Variants in CD244 observed in about 807,000 individuals in gnomAD.
The protein encoded by CD244 is CD244 molecule, also known as natural killer cell receptor 2B4.
Under a neutral mutation model 45.5 loss-of-function variants are expected in CD244, and 20 were observed. The observed-to-expected ratio is 0.44, with a 90% CI of 0.31 to 0.64. CD244 has a LOEUF of 0.64. Among genes scored for constraint, CD244 ranks in the 30% least tolerant of loss-of-function variants. CD244 has a pLI of 0.08. For synonymous variants in CD244, 185 were observed against 160.5 expected, an observed-to-expected ratio of 1.15 and a Z score of -1.15; for missense variants, 407 against 426.9, an observed-to-expected ratio of 0.95 and a Z score of 0.41.
In CD244 at chr1:160,857,523, A is replaced by G. The variant is rs116258581; in HGVS notation, c.61+5094T>C. Among the ~76,000 whole-genome samples the G allele has an allele frequency of 1.4e-3, 207 of 152,374 alleles. 2 individuals are homozygous for G. Among genetic ancestry groups the G allele is most frequent in the African/African-American group, 4.9e-3 (202 of 41,584 alleles). ...TAAGATGTTGAGCAAAAGTAGTCAG[A>G]CACAAGAGTGCATACCGTTTGATTC... On this transcript the variant is annotated intron_variant, in intron 1 of 8. Transcript: ENST00000368034.
Position 160,862,760 on chromosome 1 carries a change from C to T in CD244, c.-83G>A. 1.6e-6 allele frequency: 2 copies of T among 1,282,534 alleles called. No homozygotes were observed. Among genetic ancestry groups the T allele is most frequent in the Non-Finnish European group, 2.2e-6 (2 of 897,792 alleles). The allele number at this position is 1,282,534 out of a possible 1,614,324, so 79.4% of individuals were successfully genotyped here. ...CACGGGCTCAGCAGTCCCCAGTCAGCAAGAGGACGATGGGGAGCAGAACTG... is the reference window on the plus strand; with the variant it reads ...CACGGGCTCAGCAGTCCCCAGTCAGTAAGAGGACGATGGGGAGCAGAACTG... On this transcript the variant is annotated 5_prime_UTR_variant, in exon 1 of 9. Coordinates refer to ENST00000368034, the MANE Select transcript of CD244 (RefSeq NM_016382.4).
chr1:160,832,464 G>C (rs866696849), intron 8 of CD244, 55 bp downstream of exon 8: 5 of 1,095,848 alleles, frequency 4.6e-6, no homozygotes, highest in Non-Finnish European at 6.7e-6. Flanking sequence ...TTCATGGCTA[G>C]ATTTCAGGGC....
rs1669378584 is a variant in CD244, at chr1:160,837,604, A to G, written c.834+847T>C. Among the ~76,000 whole-genome samples, 3 of 152,226 alleles carry G rather than the reference A, an allele frequency of 2.0e-5. No homozygotes were observed. The South Asian group carries it at 6.2e-4, about 31-fold the overall frequency. The stretch of plus-strand genomic sequence containing the variant: ...GCTCTGCGAGGCTGCACAGGGCCTC[A>G]CGTATGTGGCCAGCACGGAAGAGCC... On this transcript the variant is annotated intron_variant, in intron 5 of 8. Coordinates refer to ENST00000368034, the MANE Select transcript of CD244 (RefSeq NM_016382.4).
At chr1:160,831,492 G>A in intron 8 of CD244, 65 bp from the exon 9 acceptor site, 2 of 1,117,802 alleles carry the variant, frequency 1.8e-6, no homozygotes, top group Non-Finnish European at 2.7e-6. Flanking sequence ...ATCCTGTGAG[G>A]TATGACTTGC....
At chr1:160,832,369 T>C (rs1669156209) in intron 8 of CD244, 150 bp downstream of exon 8, 1 of 600,430 alleles carries the variant, frequency 1.7e-6, no homozygotes, top group Non-Finnish European at 3.0e-6. Flanking sequence ...TGTCTTCATC[T>C]CTAAAACAAA....
In CD244 at chr1:160,831,233, C is replaced by G; in HGVS notation, c.*114G>C. 1.4e-6 allele frequency: 1 copy of G among 736,898 alleles called. No individual in the cohort carries two copies. Among genetic ancestry groups the G allele is most frequent in the Non-Finnish European group, 2.4e-6 (1 of 422,902 alleles). The allele number at this position is 736,898 out of a possible 1,614,324, so 45.6% of individuals were successfully genotyped here. On this transcript the variant is annotated 3_prime_UTR_variant, in exon 9 of 9. Transcript: ENST00000368034. ...CAAAATATAGAACAAGAACAAATTT[C>G]CATATCCTCTCCAGACTAGGAACTG...
chr1:160,856,061 G>T (rs539877665), intron 1 of CD244, among the ~76,000 whole-genome samples: 19 of 152,294 alleles, frequency 1.2e-4, no homozygotes, highest in African/African-American at 4.3e-4. Context: ...AGATGTTAAG[G>T]TTTTCTCAGC....
chr1:160,835,615 C>T (rs770606861), intron 6 of CD244, among the ~76,000 whole-genome samples: 6 of 151,906 alleles, frequency 3.9e-5, no homozygotes, highest in Non-Finnish European at 5.9e-5. Context: ...TGTCTCATAA[C>T]GGGTATACCA....
At chr1:160,834,253 C>G (rs1669245202) in intron 6 of CD244, 137 bp from the exon 7 acceptor site, 1 of 642,986 alleles carries the variant, frequency 1.6e-6, no homozygotes, top group South Asian at 1.9e-5. Context: ...CCTGGACTAG[C>G]CAGGAGGTCA....
rs1252655841 is a variant in CD244, at chr1:160,831,253, G to A, written c.*94C>T. 3.5e-6 allele frequency: 3 copies of A among 849,686 alleles called. No homozygotes were observed. Among genetic ancestry groups the A allele is most frequent in the Non-Finnish European group, 5.9e-6 (3 of 510,258 alleles). The allele number at this position is 849,686 out of a possible 1,614,324, so 52.6% of individuals were successfully genotyped here. ...AATTTCCATATCCTCTCCAGACTAG[G>A]AACTGTTCTATAGAGACTCCTGTGC... On this transcript the variant is annotated 3_prime_UTR_variant, in exon 9 of 9. Coordinates refer to ENST00000368034, the MANE Select transcript of CD244 (RefSeq NM_016382.4).
chr1:160,860,967 C>T (rs1414921176), intron 1 of CD244, among the ~76,000 whole-genome samples: 1 of 152,210 alleles, frequency 6.6e-6, no homozygotes, highest in Non-Finnish European at 1.5e-5. Context: ...GTGCAAGGGC[C>T]GGCATAGCCA....
In CD244 at chr1:160,838,787, G is replaced by A. The variant is rs567945290; in HGVS notation, c.766+152C>T. The A allele has an allele frequency of 1.2e-4, 75 of 626,992 alleles. No homozygotes were observed. In the African/African-American group the frequency reaches 1.3e-3, roughly 10 times the overall value. The allele number at this position is 626,992 out of a possible 1,614,324, so 38.8% of individuals were successfully genotyped here. On this transcript the variant is annotated intron_variant, in intron 4 of 8. Coordinates refer to ENST00000368034, the MANE Select transcript of CD244 (RefSeq NM_016382.4). ...ACTGGGAGAGAGAGCCTAGCAACCT[G>A]CTTGCCCCCCGCCACCACGCACACA...
chr1:160,861,738 G>A (rs1341654941), intron 1 of CD244, among the ~76,000 whole-genome samples: 2 of 152,164 alleles, frequency 1.3e-5, no homozygotes, highest in Non-Finnish European at 2.9e-5. Context: ...TCGGGAGGCT[G>A]AGGCATGAGA....
At chr1:160,837,268 G>A (rs1179710723) in intron 5 of CD244, among the ~76,000 whole-genome samples, 1 of 152,100 alleles carries the variant, frequency 6.6e-6, no homozygotes, top group Non-Finnish European at 1.5e-5. Flanking sequence ...TTTTCCTCCT[G>A]TGGTCTCCTA....
chr1:160,861,091 C>T (rs1670285270), intron 1 of CD244, among the ~76,000 whole-genome samples: 1 of 152,224 alleles, frequency 6.6e-6, no homozygotes, highest in South Asian at 2.1e-4. Context: ...ACTCTCATCC[C>T]CACAGCCAGG....
chr1:160,852,024 G>T (rs899295146), intron 1 of CD244, among the ~76,000 whole-genome samples: 1 of 152,058 alleles, frequency 6.6e-6, no homozygotes, highest in East Asian at 1.9e-4. Flanking sequence ...ATTTGAAAAA[G>T]GGCTCATATC....
intron 1 of CD244, among the ~76,000 whole-genome samples, chr1:160,847,493 A>G (rs1480985082): frequency 6.6e-6 from 1 of 152,182 alleles, no homozygotes; most frequent in Non-Finnish European, 1.5e-5. Flanking sequence ...TTGAAATCAT[A>G]CCAATTATGC....
intron 6 of CD244, among the ~76,000 whole-genome samples, chr1:160,835,292 A>G (rs1215859439): frequency 6.6e-6 from 1 of 152,102 alleles, no homozygotes; most frequent in East Asian, 1.9e-4. Context: ...GAGGAGGTGC[A>G]ATGGAGACTC....
At chr1:160,836,347 T>A (rs1437239345) in intron 5 of CD244, 93 bp from the exon 6 acceptor site, 2 of 923,842 alleles carry the variant, frequency 2.2e-6, no homozygotes, top group East Asian at 5.1e-5. Flanking sequence ...AGAAGAGGGC[T>A]TTTCAGGAGA....
Sources: gnomAD v4.1 joint callset for allele counts (sites outside exome capture counted in the v4.1 genomes callset) on GRCh38, gnomAD v4.1.1 for gene constraint, MANE v1.5 for transcripts, NCBI Gene and HGNC (gene_info 2026-07-23, HGNC 2026-07-21) for gene names.